Variants in SPATS1 observed in about 807,000 individuals in gnomAD.
SPATS1 encodes spermatogenesis-associated serine-rich protein 1.
Under a neutral mutation model 33.6 loss-of-function variants are expected in SPATS1, and 23 were observed. The ratio of observed to expected loss-of-function variants is 0.68; its 90% CI spans 0.49 to 0.97. The LOEUF is 0.97. Among genes scored for constraint, SPATS1 ranks in the 50% least tolerant of loss-of-function variants. SPATS1 has a pLI of 0.00. For synonymous variants in SPATS1, 131 were observed against 125.6 expected, an observed-to-expected ratio of 1.04 and a Z score of -0.29; for missense variants, 327 against 361.0, an observed-to-expected ratio of 0.91 and a Z score of 0.76.
chr6:44,343,508 A>C (rs1787691856), intron 2 of SPATS1: 1 of 547,214 alleles, frequency 1.8e-6, no homozygotes, highest in Non-Finnish European at 3.5e-6. Context: ...AGGGAGCCAG[A>C]GATTTGACCT....
chr6:44,365,666 T>C (rs576552401), intron 5 of SPATS1, among the ~76,000 whole-genome samples: 1 of 152,242 alleles, frequency 6.6e-6, no homozygotes, highest in Non-Finnish European at 1.5e-5. Flanking sequence ...GCTCACAATC[T>C]ATCAGTCAGA....
At chr6:44,370,641 T>C (rs896367569) in intron 7 of SPATS1, among the ~76,000 whole-genome samples, 1 of 152,220 alleles carries the variant, frequency 6.6e-6, no homozygotes, top group African/African-American at 2.4e-5. Context: ...CTTTCTTTTT[T>C]TACTTTCTAA....
At chr6:44,370,949 C>A (rs1281325538) in intron 7 of SPATS1, among the ~76,000 whole-genome samples, 1 of 151,546 alleles carries the variant, frequency 6.6e-6, no homozygotes, top group African/African-American at 2.4e-5. Context: ...CCCCAGAATA[C>A]CAATTAGTCT....
intron 7 of SPATS1, among the ~76,000 whole-genome samples, chr6:44,372,536 C>T (rs978177368): frequency 2.6e-5 from 4 of 151,982 alleles, no homozygotes; most frequent in African/African-American, 7.2e-5. Flanking sequence ...AATCTGGGCT[C>T]ACTGCAACCT....
At chr6:44,374,006 T>A (rs145609417) in intron 7 of SPATS1, among the ~76,000 whole-genome samples, 247 of 152,318 alleles carry the variant, frequency 1.6e-3, no homozygotes, top group African/African-American at 5.4e-3. Context: ...TGGTACAATG[T>A]GTACATAGAG....
At chr6:44,368,218 CCTT>C (rs1469000216) in intron 5 of SPATS1, among the ~76,000 whole-genome samples, 158 bp from the exon 6 acceptor site, 2 of 152,188 alleles carry the variant, frequency 1.3e-5, no homozygotes, top group Non-Finnish European at 2.9e-5. Flanking sequence ...AGGCTCATCT[CCTT>C]AAGGCAAGAT....
intron 5 of SPATS1, among the ~76,000 whole-genome samples, chr6:44,367,199 T>G (rs1236962410): frequency 4.6e-5 from 7 of 152,236 alleles, no homozygotes; most frequent in African/African-American, 1.7e-4. Context: ...GCGATTCTCC[T>G]GTCTCAGCCT....
chr6:44,376,486 A>G lies in SPATS1; in HGVS notation c.874+13A>G. 6.4e-7 allele frequency: 1 copy of G among 1,568,820 alleles called. No individual in the cohort carries two copies. Among genetic ancestry groups the G allele is most frequent in the South Asian group, 1.2e-5 (1 of 86,352 alleles). On this transcript the variant is annotated intron_variant, in intron 8 of 8. Transcript: ENST00000674044. ...CTACACCTTTCTGGTGGGTTAAAGA[A>G]ACTTCAAAGAATAGTGTAAAAACTG...
chr6:44,372,791 T>C (rs1394198371), intron 7 of SPATS1, among the ~76,000 whole-genome samples: 1 of 152,228 alleles, frequency 6.6e-6, no homozygotes, highest in African/African-American at 2.4e-5. Flanking sequence ...TGCTGGTCTT[T>C]GCTGTAGCAG....
chr6:44,359,316 T>A (rs1788766787), intron 3 of SPATS1, among the ~76,000 whole-genome samples: 1 of 152,212 alleles, frequency 6.6e-6, no homozygotes, highest in African/African-American at 2.4e-5. Context: ...GTCATAATGT[T>A]GTGTAACCAT....
rs577530408 is a variant in SPATS1, at chr6:44,363,769, T to C, written c.574+1777T>C. Among the ~76,000 whole-genome samples, 4 of 152,008 alleles carry C rather than the reference T, an allele frequency of 2.6e-5. No homozygotes were observed. The East Asian group carries it at 7.7e-4, about 29-fold the overall frequency. On this transcript the variant is annotated intron_variant, in intron 5 of 8. Transcript: ENST00000674044. ...TCCTTTCATTTCTTCTTTCCCTTCT[T>C]CCTTTAGGGTTTTATAAATACTGAG...
chr6:44,355,032 G>T (rs1333593932), intron 3 of SPATS1, among the ~76,000 whole-genome samples: 1 of 151,954 alleles, frequency 6.6e-6, no homozygotes, highest in Non-Finnish European at 1.5e-5. Context: ...TGCTACCCAG[G>T]CCAGTTTCAA....
Position 44,368,598 on chromosome 6 carries a change from A to G in SPATS1, c.695+99A>G, listed in dbSNP as rs181287849. On this transcript the variant is annotated intron_variant, in intron 6 of 8. Transcript: ENST00000674044. ...TATTTTAAAAGGGATAGATGTCAAC[A>G]AGATGTGATTGGATGAAAATTCCTT... The G allele has an allele frequency of 1.1e-5, 13 of 1,165,060 alleles. No homozygotes were observed. The African/African-American group carries it at 1.7e-4, about 15-fold the overall frequency. The allele number at this position is 1,165,060 out of a possible 1,614,324, so 72.2% of individuals were successfully genotyped here.
At chr6:44,364,522 A>G (rs1344928293) in intron 5 of SPATS1, among the ~76,000 whole-genome samples, 1 of 150,706 alleles carries the variant, frequency 6.6e-6, no homozygotes, top group Non-Finnish European at 1.5e-5. Flanking sequence ...TTTCCTGTGA[A>G]GTGGTAGTTG....
At chr6:44,371,473 A>G (rs1789608968) in intron 7 of SPATS1, among the ~76,000 whole-genome samples, 1 of 152,172 alleles carries the variant, frequency 6.6e-6, no homozygotes, top group South Asian at 2.1e-4. Context: ...TGGATTTAGC[A>G]TTTATTGTTT....
At chr6:44,354,911 C>T (rs1271865232) in intron 3 of SPATS1, among the ~76,000 whole-genome samples, 7 of 152,188 alleles carry the variant, frequency 4.6e-5, no homozygotes, top group African/African-American at 1.7e-4. Flanking sequence ...ACCTCCCAGG[C>T]TGAAGCAATC....
At chr6:44,366,077 C>T (rs1029160272) in intron 5 of SPATS1, among the ~76,000 whole-genome samples, 10 of 151,696 alleles carry the variant, frequency 6.6e-5, no homozygotes, top group African/African-American at 1.9e-4. Context: ...TTTTCTTCCT[C>T]CTGACATTAT....
At chr6:44,361,618 G>T (rs142844894) in intron 4 of SPATS1, 1 of 844,518 alleles carries the variant, frequency 1.2e-6, no homozygotes, top group Non-Finnish European at 1.4e-6. Context: ...AAACAAAGAC[G>T]GCCTCTTAGA....
intron 3 of SPATS1, among the ~76,000 whole-genome samples, chr6:44,359,269 G>A (rs1237114637): frequency 6.6e-6 from 1 of 152,140 alleles, no homozygotes; most frequent in Non-Finnish European, 1.5e-5. Context: ...CTGATTTTAT[G>A]CATTTTTAAG....
Sources: gnomAD v4.1 joint callset for allele counts (sites outside exome capture counted in the v4.1 genomes callset) on GRCh38, gnomAD v4.1.1 for gene constraint, MANE v1.5 for transcripts, NCBI Gene and HGNC (gene_info 2026-07-23, HGNC 2026-07-21) for gene names.